The following CERS4 variants were observed in gnomAD, a reference collection of about 807,000 sequenced individuals.
CERS4 encodes the protein ceramide synthase 4, also known as LAG1 homolog, ceramide synthase 4.
A neutral mutation model predicts 51.8 loss-of-function variants in CERS4; 65 were observed. The observed-to-expected ratio is 1.26, with a 90% CI of 1.03 to 1.54. The LOEUF is 1.54. Among genes scored for constraint, CERS4 ranks in the 40% most tolerant of loss-of-function variants. The probability of loss-of-function intolerance (pLI) is 0.00; values close to 1 mark genes in which losing one functional copy is unlikely to be tolerated. For synonymous variants in CERS4, 228 were observed against 208.4 expected, an observed-to-expected ratio of 1.09 and a Z score of -0.81; for missense variants, 563 against 500.4, an observed-to-expected ratio of 1.13 and a Z score of -1.19.
rs191448065 is a variant in CERS4, at chr19:8,258,815, C to T, written c.848+830C>T. On this transcript the variant is annotated intron_variant, in intron 10 of 11. Coordinates refer to ENST00000251363, the MANE Select transcript of CERS4 (RefSeq NM_024552.3). Reference sequence around the variant, plus strand: ...CAAGATTGTACCACTGCACTCCAGCCTGGGTGACAGAGGGAGACTTTGTCT... The same window carrying T: ...CAAGATTGTACCACTGCACTCCAGCTTGGGTGACAGAGGGAGACTTTGTCT... Among the ~76,000 whole-genome samples, 351 of 151,866 alleles carry T rather than the reference C, an allele frequency of 2.3e-3. 1 individual carries two copies. The highest frequency in any genetic ancestry group is 8.1e-3 in the African/African-American group (336 of 41,414).
In CERS4 at chr19:8,260,972, A is replaced by AAAAG. The variant is rs1447113739; in HGVS notation, c.849-713_849-712insGAAA. On this transcript the variant is annotated intron_variant, in intron 10 of 11. Coordinates refer to ENST00000251363, the MANE Select transcript of CERS4 (RefSeq NM_024552.3). ...TCTCAAAAAAAAAAAAAAAAAAAAA[A>AAAAG]AAAAACAAGAACCACAGCTGAGTTT... The AAAAG allele has an allele frequency of 6.6e-5, 10 of 150,548 alleles. No individual in the cohort carries two copies. In the East Asian group the frequency reaches 1.9e-3, roughly 29 times the overall value. The allele number at this position is 150,548 out of a possible 1,614,324, so 9.3% of individuals were successfully genotyped here.
rs12891 is a variant in CERS4, at chr19:8,262,312, G to C, written c.*203G>C. The stretch of plus-strand genomic sequence containing the variant: ...CCTCTGGGCAACTGGACAGATCTGG[G>C]AGCCAGCAGCTGGATGCTGTGGCTG... On this transcript the variant is annotated 3_prime_UTR_variant, in exon 12 of 12. Coordinates refer to ENST00000251363, the MANE Select transcript of CERS4 (RefSeq NM_024552.3). 168,235 of 468,234 alleles carry C rather than the reference G, an allele frequency of 0.36. 33,777 individuals are homozygous for C. The highest frequency in any genetic ancestry group is 0.44 in the Non-Finnish European group (124,734 of 285,034). 29.0% of individuals were successfully genotyped at this position (468,234 alleles called of 1,614,324 possible). A position where few individuals can be genotyped will look rare whatever the true frequency, so the allele number is the denominator to read the frequency against.
rs945121571 is a variant in CERS4, at chr19:8,244,908, G to A, written c.-1-6168G>A. ...ACCTGTAATCCCAGCACTTTCGGAG[G>A]CCAAGACAGGTGGATCACGAGGTCA... On this transcript the variant is annotated intron_variant, in intron 2 of 11. Coordinates refer to ENST00000251363, the MANE Select transcript of CERS4 (RefSeq NM_024552.3). Among the ~76,000 whole-genome samples, 42 of 151,824 alleles carry A rather than the reference G, an allele frequency of 2.8e-4. 1 individual carries two copies. The highest frequency in any genetic ancestry group is 8.4e-4 in the African/African-American group (35 of 41,476).
At chr19:8,252,802 T>C (rs568403342) in intron 3 of CERS4, among the ~76,000 whole-genome samples, 48 of 152,230 alleles carry the variant, frequency 3.2e-4, no homozygotes, top group Admixed American at 2.2e-3. Flanking sequence ...CTTGAACTCC[T>C]GAGTTCAAGC....
At chr19:8,238,045 C>G (rs991907853) in intron 2 of CERS4, among the ~76,000 whole-genome samples, 5 of 152,016 alleles carry the variant, frequency 3.3e-5, no homozygotes, top group African/African-American at 9.7e-5. Flanking sequence ...AATCCCCCCC[C>G]ACAATCCCTG....
chr19:8,253,394 G>C (rs533655235), intron 3 of CERS4, among the ~76,000 whole-genome samples: 1 of 151,924 alleles, frequency 6.6e-6, no homozygotes, highest in Non-Finnish European at 1.5e-5. Flanking sequence ...AAGGTACCTG[G>C]GTACCCCAAG....
intron 2 of CERS4, among the ~76,000 whole-genome samples, chr19:8,244,281 A>G (rs1968661395): frequency 6.6e-6 from 1 of 152,174 alleles, no homozygotes; most frequent in African/African-American, 2.4e-5. Flanking sequence ...GCTTGAGCCC[A>G]GGAGATCGAG....
At chr19:8,259,691 CT>C (rs1314332870) in intron 10 of CERS4, among the ~76,000 whole-genome samples, 1 of 151,976 alleles carries the variant, frequency 6.6e-6, no homozygotes, top group African/African-American at 2.4e-5. Context: ...CTCAGCCCTG[CT>C]GGGTTTGAGG....
chr19:8,252,276 A>G (rs1465848639), intron 3 of CERS4, among the ~76,000 whole-genome samples: 1 of 151,160 alleles, frequency 6.6e-6, no homozygotes, highest in Non-Finnish European at 1.5e-5. Context: ...AGGTTGAGGC[A>G]GGAGAATTGC....
intron 2 of CERS4, among the ~76,000 whole-genome samples, chr19:8,234,917 C>T (rs1315856158): frequency 6.6e-6 from 1 of 151,908 alleles, no homozygotes; most frequent in Admixed American, 6.6e-5. Context: ...TGGAATCATA[C>T]AGGATTTGTC....
rs144205201 is a variant in CERS4, at chr19:8,229,973, G to A, written c.-2+19111G>A. The stretch of plus-strand genomic sequence containing the variant: ...ACTCCTGAGCTCAAGTGATCTTCCC[G>A]CCTCAGCCTCCCAAAGTGCTGGGGT... On this transcript the variant is annotated intron_variant, in intron 2 of 11. Transcript: ENST00000251363. Among the ~76,000 whole-genome samples the A allele has an allele frequency of 3.5e-3, 536 of 152,214 alleles. 6 individuals are homozygous for A. Among genetic ancestry groups the A allele is most frequent in the African/African-American group, 0.012 (506 of 41,538 alleles).
At chr19:8,211,070 T>C (rs62126385) in intron 2 of CERS4, among the ~76,000 whole-genome samples, 14,621 of 151,508 alleles carry the variant, frequency 0.097, 977 homozygotes, top group African/African-American at 0.19. Flanking sequence ...CCGGAGAGGG[T>C]TCTAACGCCC....
chr19:8,251,337 G>A lies in CERS4; in HGVS notation c.173+88G>A, dbSNP rs560954727. On this transcript the variant is annotated intron_variant, in intron 3 of 11. Transcript: ENST00000251363. ...TGTGTGCAATTTGCCATTGCAGCAT[G>A]TCCCGAGTAGAAGCTGGCTTTGCAC... 2.5e-5 allele frequency: 36 copies of A among 1,462,212 alleles called. No individual in the cohort carries two copies. The South Asian group carries it at 5.0e-4, about 20-fold the overall frequency. The allele number at this position is 1,462,212 out of a possible 1,614,324, so 90.6% of individuals were successfully genotyped here. A position where few individuals can be genotyped will look rare whatever the true frequency, so the allele number is the denominator to read the frequency against.
At chr19:8,259,410 G>C (rs1395858536) in intron 10 of CERS4, among the ~76,000 whole-genome samples, 2 of 152,182 alleles carry the variant, frequency 1.3e-5, no homozygotes, top group Non-Finnish European at 2.9e-5. Flanking sequence ...GCAGGAGATG[G>C]AGTAGGCCGT....
chr19:8,211,783 A>G (rs1292250440), intron 2 of CERS4, among the ~76,000 whole-genome samples: 3 of 150,502 alleles, frequency 2.0e-5, no homozygotes, highest in Non-Finnish European at 4.4e-5. Flanking sequence ...TCTCAGCTGC[A>G]TGGGAGACTG....
intron 10 of CERS4, 182 bp from the exon 11 acceptor site, chr19:8,261,506 A>G: frequency 1.6e-6 from 1 of 639,222 alleles, no homozygotes; most frequent in South Asian, 1.9e-5. Flanking sequence ...CTGCTCATTT[A>G]GTACAAGCGA....
At chr19:8,224,675 C>T (rs932132738) in intron 2 of CERS4, among the ~76,000 whole-genome samples, 9 of 152,118 alleles carry the variant, frequency 5.9e-5, no homozygotes, top group Admixed American at 5.2e-4. Context: ...TTCAAAGCTG[C>T]GGGTCTGATT....
chr19:8,229,517 C>T (rs747228563), intron 2 of CERS4, among the ~76,000 whole-genome samples: 1 of 152,112 alleles, frequency 6.6e-6, no homozygotes, highest in Admixed American at 6.6e-5. Context: ...AAGTGATTCT[C>T]CTGCCTCATC....
chr19:8,221,130 A>ATT (rs577339714), intron 2 of CERS4, among the ~76,000 whole-genome samples: 6 of 133,918 alleles, frequency 4.5e-5, no homozygotes, highest in African/African-American at 1.6e-4. Flanking sequence ...CGGCCTGTGT[A>ATT]TTTTTTTTTT....
Sources: allele counts gnomAD v4.1 joint callset (sites outside exome capture counted in the v4.1 genomes callset), GRCh38; gene constraint gnomAD v4.1.1; transcripts MANE v1.5; gene names NCBI Gene and HGNC (gene_info 2026-07-23, HGNC 2026-07-21).